GYPE: variants seen among roughly 807,000 people sequenced by gnomAD.
GYPE encodes the protein glycophorin E (MNS blood group).
GYPE carries 8 observed loss-of-function variants against 11.6 expected under a neutral mutation model. The ratio of observed to expected loss-of-function variants is 0.69; its 90% CI spans 0.41 to 1.25. GYPE has a LOEUF of 1.25. GYPE is among the 50% of genes most tolerant of loss of function. The probability of loss-of-function intolerance (pLI) is 0.01; values close to 1 mark genes in which losing one functional copy is unlikely to be tolerated. For synonymous variants in GYPE, 28 were observed against 29.6 expected (o/e 0.94, Z 0.18); for missense variants, 90 against 92.8 (o/e 0.97, Z 0.12).
At chr4:143,891,494 A>G (rs1196260744) in intron 1 of GYPE, among the ~76,000 whole-genome samples, 1 of 151,398 alleles carries the variant, frequency 6.6e-6, no homozygotes, top group Non-Finnish European at 1.5e-5. Context: ...AAGCCTGACT[A>G]ATTTTTTGTA....
At chr4:143,892,883 T>C (rs998754698) in intron 1 of GYPE, among the ~76,000 whole-genome samples, 7 of 150,870 alleles carry the variant, frequency 4.6e-5, no homozygotes, top group African/African-American at 7.3e-5. Context: ...TTCTGTCTCA[T>C]TGATCTGTCT....
intron 1 of GYPE, among the ~76,000 whole-genome samples, chr4:143,881,467 G>T (rs1306952864): frequency 6.6e-6 from 1 of 152,000 alleles, no homozygotes; most frequent in Non-Finnish European, 1.5e-5. Flanking sequence ...GCCTATGCAA[G>T]GTTGAACATT....
Position 143,880,493 on chromosome 4 carries a change from T to C in GYPE, c.54A>G (p.Ser18=). 2 of 1,613,990 alleles carry C rather than the reference T, an allele frequency of 1.2e-6. No individual in the cohort carries two copies. The highest frequency in any genetic ancestry group is 2.2e-5 in the South Asian group (2 of 91,078). ...TTGCCACACCAGTGGTACTTGATGC[T>C]GATATGCTCACAATTCCTGTATAAA... is the stretch of plus-strand genomic sequence containing the variant. ...VLLLSGIVSI[S]ASSTTGVAMH... Residue 18 remains serine (S), a synonymous_variant, in exon 2 of 4, where the codon TCA becomes TCG. Coordinates refer to ENST00000358615, the MANE Select transcript of GYPE (RefSeq NM_198682.3).
chr4:143,902,686 A>G (rs1744915475), intron 1 of GYPE, among the ~76,000 whole-genome samples: 1 of 151,626 alleles, frequency 6.6e-6, no homozygotes. Context: ...TTCAACCAAT[A>G]TGCTACTATA....
chr4:143,892,627 A>T (rs1744452240), intron 1 of GYPE, among the ~76,000 whole-genome samples: 1 of 152,042 alleles, frequency 6.6e-6, no homozygotes, highest in Non-Finnish European at 1.5e-5. Context: ...GTTTTGAGTG[A>T]GTCTCTTAAT....
intron 1 of GYPE, among the ~76,000 whole-genome samples, chr4:143,890,607 C>G (rs907463004): frequency 1.3e-5 from 2 of 152,182 alleles, no homozygotes; most frequent in African/African-American, 4.8e-5. Flanking sequence ...GCGGCGAAAA[C>G]AACTGCTCCA....
chr4:143,888,690 G>A (rs2149910215), intron 1 of GYPE, among the ~76,000 whole-genome samples: 1 of 146,536 alleles, frequency 6.8e-6, no homozygotes, highest in African/African-American at 2.5e-5. Context: ...GCTAAAAGAT[G>A]TTTGAAGAAG....
chr4:143,873,105 T>C (rs1396178419), intron 3 of GYPE, among the ~76,000 whole-genome samples: 1 of 152,202 alleles, frequency 6.6e-6, no homozygotes, highest in Non-Finnish European at 1.5e-5. Context: ...GCTGTTACTA[T>C]ATTCCATGCC....
intron 1 of GYPE, among the ~76,000 whole-genome samples, chr4:143,902,470 G>A (rs1744903862): frequency 6.6e-6 from 1 of 152,022 alleles, no homozygotes; most frequent in Non-Finnish European, 1.5e-5. Flanking sequence ...CACTCACTGT[G>A]TCTAACCAGA....
intron 1 of GYPE, among the ~76,000 whole-genome samples, chr4:143,892,695 T>G (rs1578970649): frequency 1.3e-5 from 2 of 151,096 alleles, no homozygotes; most frequent in Admixed American, 6.6e-5. Context: ...TAATTTCTGT[T>G]CTTTTACATT....
intron 1 of GYPE, among the ~76,000 whole-genome samples, chr4:143,902,340 GAA>G (rs201093353): frequency 0.74 from 98,914 of 133,696 alleles, 36,399 homozygotes; most frequent in East Asian, 0.93. Context: ...TTGGATCCCT[GAA>G]AAAAAAAAAA....
intron 3 of GYPE, among the ~76,000 whole-genome samples, chr4:143,876,336 A>G (rs1299505562): frequency 6.6e-6 from 1 of 152,024 alleles, no homozygotes; most frequent in Admixed American, 6.6e-5. Flanking sequence ...CTGGTCTCAA[A>G]CTCCTGAGCT....
At chr4:143,889,321 G>T (rs943385103) in intron 1 of GYPE, among the ~76,000 whole-genome samples, 34 of 151,996 alleles carry the variant, frequency 2.2e-4, no homozygotes, top group Admixed American at 3.9e-4. Context: ...TGTCATTCCA[G>T]CCAGTGCACA....
intron 1 of GYPE, among the ~76,000 whole-genome samples, chr4:143,904,431 T>G (rs1331693464): frequency 6.6e-6 from 1 of 152,176 alleles, no homozygotes; most frequent in Non-Finnish European, 1.5e-5. Context: ...TGTGGGCACA[T>G]AATTTGCCTT....
chr4:143,904,956 T>C (rs544756168), intron 1 of GYPE, among the ~76,000 whole-genome samples: 2 of 152,292 alleles, frequency 1.3e-5, no homozygotes, highest in East Asian at 3.9e-4. Flanking sequence ...AGAGTTGTTT[T>C]TGTTTTTGTT....
intron 1 of GYPE, among the ~76,000 whole-genome samples, chr4:143,895,044 A>G (rs1435088669): frequency 2.0e-5 from 3 of 152,162 alleles, no homozygotes; most frequent in Admixed American, 6.5e-5. Context: ...CCCACAGCCA[A>G]TATCATACTG....
chr4:143,889,803 A>G (rs1744336620), intron 1 of GYPE, among the ~76,000 whole-genome samples: 1 of 152,126 alleles, frequency 6.6e-6, no homozygotes. Context: ...TTTTAAAACA[A>G]CTAGCTGAGA....
chr4:143,897,773 A>G (rs998146960), intron 1 of GYPE, among the ~76,000 whole-genome samples: 2 of 152,020 alleles, frequency 1.3e-5, no homozygotes, highest in Non-Finnish European at 2.9e-5. Context: ...TATCCAGCTT[A>G]TCTAGCTCCA....
chr4:143,874,646 A>G (rs1408944132), intron 3 of GYPE, among the ~76,000 whole-genome samples: 4 of 152,204 alleles, frequency 2.6e-5, no homozygotes, highest in African/African-American at 4.8e-5. Context: ...CTCCAAGGAT[A>G]AGGCAGTCAG....
Sources: gnomAD v4.1 joint callset for allele counts (sites outside exome capture counted in the v4.1 genomes callset) on GRCh38, gnomAD v4.1.1 for gene constraint, MANE v1.5 for transcripts, NCBI Gene and HGNC (gene_info 2026-07-23, HGNC 2026-07-21) for gene names.